Variants in UBR2 observed in about 807,000 individuals in gnomAD.
UBR2 encodes the protein ubiquitin protein ligase E3 component n-recognin 2.
UBR2 carries 92 observed loss-of-function variants against 247.9 expected under a neutral mutation model. The observed-to-expected ratio is 0.37, with a 90% CI of 0.31 to 0.44. The LOEUF (loss-of-function observed/expected upper bound fraction) is 0.44. Ranked by LOEUF, UBR2 falls within the 20% of genes least tolerant of loss-of-function variation. The pLI is 1.00. For missense variants in UBR2, 1,613 were observed against 2,112.6 expected (o/e 0.76, Z 4.64); for synonymous variants, 672 against 693.5 (o/e 0.97, Z 0.49).
At chr6:42,651,082 C>A (rs767912964) in intron 23 of UBR2, among the ~76,000 whole-genome samples, 2 of 152,016 alleles carry the variant, frequency 1.3e-5, no homozygotes, top group Non-Finnish European at 1.5e-5. Flanking sequence ...ATTAGCCAGG[C>A]ATGGTGTCAT....
intron 4 of UBR2, among the ~76,000 whole-genome samples, chr6:42,599,477 T>C (rs1793214694): frequency 6.6e-6 from 1 of 152,042 alleles, no homozygotes; most frequent in South Asian, 2.1e-4. Context: ...GTGTCCCACA[T>C]AGGAAATTAT....
At chr6:42,664,388 A>G (rs1256639216) in intron 32 of UBR2, 1 of 152,256 alleles carries the variant, frequency 6.6e-6, no homozygotes, top group Non-Finnish European at 1.5e-5. Flanking sequence ...ACTCATTTCG[A>G]GTATGAATTT....
intron 14 of UBR2, among the ~76,000 whole-genome samples, chr6:42,636,139 G>A (rs1370526623): frequency 6.6e-6 from 1 of 151,702 alleles, no homozygotes; most frequent in African/African-American, 2.4e-5. Context: ...TTTGGGCACA[G>A]GAGTGATTTT....
At chr6:42,623,095 G>A (rs1428960860) in intron 11 of UBR2, among the ~76,000 whole-genome samples, 6 of 152,086 alleles carry the variant, frequency 3.9e-5, no homozygotes, top group Admixed American at 2.0e-4. Context: ...TATACTGGCT[G>A]GGACCTCAAC....
chr6:42,648,014 G>A (rs945126922), intron 21 of UBR2, 104 bp from the exon 22 acceptor site: 3 of 778,228 alleles, frequency 3.9e-6, no homozygotes, highest in Non-Finnish European at 4.3e-6. Context: ...GAGATAAGGT[G>A]TATCTACCTT....
At chr6:42,665,558 C>A (rs764389674) in intron 33 of UBR2, 46 bp downstream of exon 33, 14 of 1,393,446 alleles carry the variant, frequency 1.0e-5, no homozygotes, top group African/African-American at 1.5e-5. Context: ...AGTCCGAGGT[C>A]ATCAGAAAAT....
rs1797634934 is a variant in UBR2, at chr6:42,659,289, T to G, written c.3243-367T>G. On this transcript the variant is annotated intron_variant, in intron 29 of 46. Transcript: ENST00000372901. The surrounding 1 kb of genome is among the most constrained non-coding windows in gnomAD (Gnocchi z 4.3). ...GGCGGGCGGATCACAAGGTGAGGAG[T>G]TCGAGACCAGCCTGACCAACATGGT... 6.6e-6 allele frequency among the ~76,000 whole-genome samples: 1 copy of G among 151,412 alleles called. No homozygotes were observed.
intron 11 of UBR2, among the ~76,000 whole-genome samples, chr6:42,632,335 G>A (rs2151951032): frequency 1.3e-5 from 2 of 151,916 alleles, no homozygotes; most frequent in East Asian, 3.9e-4. Context: ...CTAACATTCT[G>A]GCATCTTTCT....
intron 36 of UBR2, among the ~76,000 whole-genome samples, chr6:42,672,532 C>A (rs1178837948): frequency 6.6e-6 from 1 of 152,042 alleles, no homozygotes; most frequent in Non-Finnish European, 1.5e-5. Flanking sequence ...TGTTCATATT[C>A]TTCATACTTT....
intron 11 of UBR2, among the ~76,000 whole-genome samples, chr6:42,622,785 A>C (rs1387802022): frequency 1.3e-5 from 2 of 151,412 alleles, no homozygotes; most frequent in Non-Finnish European, 2.9e-5. Flanking sequence ...ATTTGTGTAT[A>C]TCAGCCATGT....
intron 7 of UBR2, among the ~76,000 whole-genome samples, chr6:42,611,775 G>A (rs750189754): frequency 3.3e-5 from 5 of 151,826 alleles, no homozygotes; most frequent in South Asian, 2.1e-4. Flanking sequence ...GCGTCGTGGC[G>A]CATGTCTGTA....
chr6:42,622,767 A>G (rs936298312), intron 11 of UBR2, among the ~76,000 whole-genome samples: 3 of 151,588 alleles, frequency 2.0e-5, no homozygotes, highest in Admixed American at 6.6e-5. Flanking sequence ...GCTTATAGAA[A>G]TACATTCATT....
At chr6:42,648,801 T>G (rs1796931789) in intron 22 of UBR2, among the ~76,000 whole-genome samples, 1 of 152,230 alleles carries the variant, frequency 6.6e-6, no homozygotes, top group African/African-American at 2.4e-5. Flanking sequence ...CTATTATGTT[T>G]AGATGTATAT....
chr6:42,607,526 G>A (rs1261320534), intron 7 of UBR2, among the ~76,000 whole-genome samples: 1 of 150,876 alleles, frequency 6.6e-6, no homozygotes, highest in Non-Finnish European at 1.5e-5. Context: ...TTTTGTTGTT[G>A]TTGTTTGAGA....
At chr6:42,607,712 G>T (rs868011982) in intron 7 of UBR2, among the ~76,000 whole-genome samples, 2,311 of 50,464 alleles carry the variant, frequency 0.046, 97 homozygotes, top group African/African-American at 0.12. Context: ...ACTCCCAGCT[G>T]TTTTTTTTTT....
intron 2 of UBR2, among the ~76,000 whole-genome samples, chr6:42,581,018 T>A (rs2151908918): frequency 7.1e-6 from 1 of 141,800 alleles, no homozygotes; most frequent in East Asian, 2.0e-4. Context: ...TTTTTTTTTT[T>A]TTTTTTTTTT....
chr6:42,639,184 C>G (rs1363434211), intron 15 of UBR2, among the ~76,000 whole-genome samples: 1 of 152,168 alleles, frequency 6.6e-6, no homozygotes, highest in Non-Finnish European at 1.5e-5. Flanking sequence ...ATTAGTAGTG[C>G]AAGTTTTCCT....
At chr6:42,572,643 TC>T (rs146711828) in intron 1 of UBR2, among the ~76,000 whole-genome samples, 1 of 151,874 alleles carries the variant, frequency 6.6e-6, no homozygotes, top group Non-Finnish European at 1.5e-5. Flanking sequence ...TCAACTCACT[TC>T]CCCTTCCTCT....
intron 11 of UBR2, among the ~76,000 whole-genome samples, chr6:42,622,078 C>T (rs1378822018): frequency 6.6e-6 from 1 of 151,864 alleles, no homozygotes; most frequent in Non-Finnish European, 1.5e-5. Context: ...CACAGTGGCA[C>T]AATCTTGGCT....
Sources: allele counts gnomAD v4.1 joint callset (sites outside exome capture counted in the v4.1 genomes callset), GRCh38; gene constraint gnomAD v4.1.1; non-coding constraint Gnocchi (gnomAD v3.1); transcripts MANE v1.5; gene names NCBI Gene and HGNC (gene_info 2026-07-23, HGNC 2026-07-21).